The following DOCK5 variants were observed in gnomAD, a reference collection of about 807,000 sequenced individuals.
DOCK5 encodes the protein dedicator of cytokinesis 5, also known as dedicator of cytokinesis protein 5.
DOCK5 carries 142 observed loss-of-function variants against 251.8 expected under a neutral mutation model. That is an observed-to-expected ratio of 0.56 (90% CI 0.49 to 0.65). The LOEUF (loss-of-function observed/expected upper bound fraction) is 0.65. Among genes scored for constraint, DOCK5 ranks in the 30% least tolerant of loss-of-function variants. DOCK5 has a pLI of 0.00. For missense variants in DOCK5, 2,111 were observed against 2,312.3 expected (o/e 0.91, Z 1.79); for synonymous variants, 842 against 835.5 (o/e 1.01, Z -0.13).
intron 3 of DOCK5, chr8:25,270,846 T>C (rs1165039564): frequency 1.4e-6 from 1 of 708,596 alleles, no homozygotes; most frequent in Non-Finnish European, 2.6e-6. Context: ...AAGTCTCTGA[T>C]ATAAAATGGC....
chr8:25,278,491 T>C, intron 4 of DOCK5, 78 bp from the exon 5 acceptor site: 5 of 1,401,242 alleles, frequency 3.6e-6, no homozygotes, highest in East Asian at 2.4e-5. Context: ...ACCTTGAACG[T>C]TGGGAAGTCT....
At chr8:25,365,067 C>T (rs1800752498) in intron 30 of DOCK5, among the ~76,000 whole-genome samples, 1 of 152,232 alleles carries the variant, frequency 6.6e-6, no homozygotes, top group African/African-American at 2.4e-5. Context: ...GGTAACTCTC[C>T]TACCGACAAA....
chr8:25,190,493 A>G (rs978141949), intron 1 of DOCK5, among the ~76,000 whole-genome samples: 3 of 152,186 alleles, frequency 2.0e-5, no homozygotes, highest in Admixed American at 2.0e-4. Flanking sequence ...TGACAGTATC[A>G]CAGGCGCTAG....
At chr8:25,369,948 T>G (rs1228297331) in intron 34 of DOCK5, among the ~76,000 whole-genome samples, 1 of 152,228 alleles carries the variant, frequency 6.6e-6, no homozygotes. Flanking sequence ...TCAACAAAAG[T>G]ATTAGCACTT....
chr8:25,236,143 C>T (rs959714486), intron 1 of DOCK5, among the ~76,000 whole-genome samples: 1 of 152,048 alleles, frequency 6.6e-6, no homozygotes. Flanking sequence ...ATTATGAAAT[C>T]CTCTCTTCTC....
chr8:25,382,293 C>A (rs889701708), intron 39 of DOCK5, among the ~76,000 whole-genome samples: 1 of 152,196 alleles, frequency 6.6e-6, no homozygotes, highest in Non-Finnish European at 1.5e-5. Context: ...GGTTCTTTAT[C>A]TTCTCCCATG....
intron 1 of DOCK5, among the ~76,000 whole-genome samples, chr8:25,229,244 G>A (rs559539934): frequency 2.0e-5 from 3 of 152,150 alleles, no homozygotes; most frequent in African/African-American, 7.2e-5. Flanking sequence ...CACTTTGGGA[G>A]GCCAAGGCAG....
At chr8:25,398,663 A>G (rs1801386871) in intron 45 of DOCK5, among the ~76,000 whole-genome samples, 1 of 152,134 alleles carries the variant, frequency 6.6e-6, no homozygotes, top group South Asian at 2.1e-4. Flanking sequence ...GTCGATGGCC[A>G]TCTTCTTGCA....
chr8:25,407,012 C>T (rs766491050), intron 48 of DOCK5, among the ~76,000 whole-genome samples: 5 of 152,088 alleles, frequency 3.3e-5, no homozygotes, highest in Admixed American at 2.6e-4. Flanking sequence ...ATTAATTATT[C>T]TTCTACTATA....
intron 27 of DOCK5, among the ~76,000 whole-genome samples, chr8:25,354,027 TAAAAAAAA>T (rs1291938160): frequency 5.2e-4 from 4 of 7,756 alleles, no homozygotes; most frequent in Non-Finnish European, 2.1e-3. Flanking sequence ...GACTTTGTCT[TAAAAAAAA>T]AAAAAAAAAA....
At chr8:25,187,514 A>T (rs1453344327) in intron 1 of DOCK5, among the ~76,000 whole-genome samples, 1 of 151,724 alleles carries the variant, frequency 6.6e-6, no homozygotes, top group Non-Finnish European at 1.5e-5. Context: ...TGACAAAAGG[A>T]CCCACAGTTG....
At chr8:25,247,034 G>A (rs1803135260) in intron 2 of DOCK5, among the ~76,000 whole-genome samples, 1 of 151,766 alleles carries the variant, frequency 6.6e-6, no homozygotes, top group African/African-American at 2.4e-5. Context: ...TTATAGGCAT[G>A]TGCCACCACA....
At chr8:25,273,460 G>A (rs1422106091) in intron 3 of DOCK5, among the ~76,000 whole-genome samples, 2 of 152,122 alleles carry the variant, frequency 1.3e-5, no homozygotes, top group Non-Finnish European at 2.9e-5. Context: ...AAAATTAGCC[G>A]GGCATGGTGG....
intron 45 of DOCK5, 100 bp downstream of exon 45, chr8:25,395,819 G>A: frequency 7.6e-7 from 1 of 1,315,182 alleles, no homozygotes. Context: ...TCCTACAGCT[G>A]CTCTAAGAAA....
At position 25,403,984 on chromosome 8, in the gene DOCK5, A is replaced by C. The variant is rs138208548; in HGVS notation, c.5093+260A>C. On this transcript the variant is annotated intron_variant, in intron 48 of 51. Transcript: ENST00000276440. The stretch of plus-strand genomic sequence containing the variant: ...TTTTTCATCATTTCCATTTTAAAAA[A>C]TAAATTTTTACATCTATTTTATGAA... Among the ~76,000 whole-genome samples the C allele has an allele frequency of 3.5e-3, 540 of 152,358 alleles. 5 individuals are homozygous for C. Among genetic ancestry groups the C allele is most frequent in the South Asian group, 0.033 (157 of 4,828 alleles).
intron 1 of DOCK5, among the ~76,000 whole-genome samples, chr8:25,213,929 T>G (rs1318898161): frequency 6.6e-6 from 1 of 152,226 alleles, no homozygotes; most frequent in African/African-American, 2.4e-5. Flanking sequence ...TTGGATTTTG[T>G]ATTTTTTTCA....
At chr8:25,310,188 C>T (rs1347574703) in intron 12 of DOCK5, among the ~76,000 whole-genome samples, 2 of 151,616 alleles carry the variant, frequency 1.3e-5, no homozygotes, top group Non-Finnish European at 1.5e-5. Context: ...CCCTTTTTTC[C>T]CCCAAAGTTA....
At chr8:25,321,320 A>G (rs1031263726) in intron 16 of DOCK5, among the ~76,000 whole-genome samples, 20 of 152,232 alleles carry the variant, frequency 1.3e-4, no homozygotes, top group African/African-American at 4.8e-4. Flanking sequence ...CTTTGGCACC[A>G]GAGACTGGTT....
chr8:25,323,755 G>T (rs1236315738), intron 16 of DOCK5, 93 bp from the exon 17 acceptor site: 1 of 1,371,116 alleles, frequency 7.3e-7, no homozygotes, highest in Non-Finnish European at 1.0e-6. Context: ...ATGGTTGAAC[G>T]CTGCACCCCC....
Sources: gnomAD v4.1 joint callset for allele counts (sites outside exome capture counted in the v4.1 genomes callset) on GRCh38, gnomAD v4.1.1 for gene constraint, MANE v1.5 for transcripts, NCBI Gene and HGNC (gene_info 2026-07-23, HGNC 2026-07-21) for gene names.